The following ABHD2 variants were observed in gnomAD, a reference collection of about 807,000 sequenced individuals.
ABHD2 encodes abhydrolase domain containing 2, acylglycerol lipase, also known as monoacylglycerol lipase ABHD2.
ABHD2 carries 20 observed loss-of-function variants against 48.1 expected under a neutral mutation model. The ratio of observed to expected loss-of-function variants is 0.42; its 90% CI spans 0.29 to 0.60. ABHD2 has a LOEUF of 0.60. Among genes scored for constraint, ABHD2 ranks in the 20% least tolerant of loss-of-function variants. The pLI is 0.24. For synonymous variants in ABHD2, 209 were observed against 214.2 expected (o/e 0.98, Z 0.21); for missense variants, 405 against 550.9 (o/e 0.74, Z 2.65).
chr15:89,187,298 C>A (rs2051226730), intron 7 of ABHD2, among the ~76,000 whole-genome samples: 1 of 152,190 alleles, frequency 6.6e-6, no homozygotes, highest in South Asian at 2.1e-4. Flanking sequence ...TTCAAATTTA[C>A]TACAGAAAGC....
At chr15:89,181,660 T>C (rs888859923) in intron 6 of ABHD2, among the ~76,000 whole-genome samples, 26 of 152,232 alleles carry the variant, frequency 1.7e-4, no homozygotes, top group African/African-American at 6.0e-4. Flanking sequence ...ATAATTTATT[T>C]GAGCCAGGAG....
chr15:89,051,199 C>T, the ABHD2 span, among the ~76,000 whole-genome samples: 2 of 152,206 alleles, frequency 1.3e-5, no homozygotes, highest in Admixed American at 1.3e-4. Context: ...TGCCACTGCA[C>T]TCCAGCCTGG....
chr15:89,079,488 T>A, the ABHD2 span, among the ~76,000 whole-genome samples: 6 of 142,346 alleles, frequency 4.2e-5, no homozygotes, highest in Non-Finnish European at 8.8e-5. The surrounding 1 kb of genome is among the most constrained non-coding windows in gnomAD (Gnocchi z 4.3). Flanking sequence ...CATGGCAAAA[T>A]AAACCTCTAC....
rs185647571 is a variant in ABHD2, at chr15:89,182,675, C to T, written c.723-2749C>T. Among the ~76,000 whole-genome samples, 5 of 152,270 alleles carry T rather than the reference C, an allele frequency of 3.3e-5. No individual in the cohort carries two copies. Among genetic ancestry groups the T allele is most frequent in the Admixed American group, 6.5e-5 (1 of 15,296 alleles). The stretch of plus-strand genomic sequence containing the variant: ...GGGCATGATGGCACACACCTGTAGT[C>T]CCAGCTACTCGGGAGTCTGAAGCAG... On this transcript the variant is annotated intron_variant, in intron 6 of 10. Transcript: ENST00000352732. The surrounding 1 kb of genome is among the most constrained non-coding windows in gnomAD (Gnocchi z 4.8).
chr15:89,072,041 GCTGTAAGAGTCATGTCACA>G, the ABHD2 span, among the ~76,000 whole-genome samples: 4 of 152,230 alleles, frequency 2.6e-5, no homozygotes, highest in Admixed American at 2.6e-4. Context: ...GGTCACCCAA[GCTGTAAGAGTCATGTCACA>G]CTTTTATTTT....
Position 89,189,947 on chromosome 15 carries a change from C to T in ABHD2, c.927-1133C>T, listed in dbSNP as rs537408531. On this transcript the variant is annotated intron_variant, in intron 8 of 10. Coordinates refer to ENST00000352732, the MANE Select transcript of ABHD2 (RefSeq NM_152924.5). The surrounding 1 kb of genome is among the most constrained non-coding windows in gnomAD (Gnocchi z 4.9). Reference sequence around the variant, plus strand: ...TGGTGGCTTCCTCAGAGATCCATCCCAGTAATACTGGAGGGATGGAACAAT... The same window carrying T: ...TGGTGGCTTCCTCAGAGATCCATCCTAGTAATACTGGAGGGATGGAACAAT... Among the ~76,000 whole-genome samples, 2 of 152,156 alleles carry T rather than the reference C, an allele frequency of 1.3e-5. No individual in the cohort carries two copies. Among genetic ancestry groups the T allele is most frequent in the African/African-American group, 2.4e-5 (1 of 41,524 alleles).
In ABHD2 at chr15:89,185,409, C is replaced by T. The variant is rs754204412; in HGVS notation, c.723-15C>T. 10 of 1,612,676 alleles carry T rather than the reference C, an allele frequency of 6.2e-6. No individual in the cohort carries two copies. The Admixed American group carries it at 1.5e-4, about 24-fold the overall frequency. On this transcript the variant is annotated splice_polypyrimidine_tract_variant and intron_variant, in intron 6 of 10. Coordinates refer to ENST00000352732, the MANE Select transcript of ABHD2 (RefSeq NM_152924.5). This position sits in a 1 kb window ranked among gnomAD's most constrained non-coding sequence, Gnocchi z 5.9. ...CCCACACCGCAGTCACCCTCACTCG[C>T]TGTGGTTCTTCCAGGGCCCAGGAAA...
In ABHD2 at chr15:89,091,068, C is replaced by A. The variant is rs116396968; in HGVS notation, c.-107+2505C>A. 9.2e-3 allele frequency among the ~76,000 whole-genome samples: 1,403 copies of A among 152,294 alleles called. 24 individuals carry two copies. The highest frequency in any genetic ancestry group is 0.032 in the African/African-American group (1,345 of 41,572). On this transcript the variant is annotated intron_variant, in intron 1 of 10. Coordinates refer to ENST00000352732, the MANE Select transcript of ABHD2 (RefSeq NM_152924.5). This position sits in a 1 kb window ranked among gnomAD's most constrained non-coding sequence, Gnocchi z 5.5. ...CTTGAAATAAACCAGATGGCAAGTACAAGGGAATGGTCTTTTTCCTCTCAT... is the reference window on the plus strand; with the variant it reads ...CTTGAAATAAACCAGATGGCAAGTAAAAGGGAATGGTCTTTTTCCTCTCAT...
rs142298746 is a variant in ABHD2 at position 89,175,882 on chromosome 15, C to G, written c.609C>G (p.Val203=). Residue 203 remains valine (V), a synonymous_variant, in exon 6 of 11, where the codon GTC becomes GTG. Transcript: ENST00000352732. The surrounding 1 kb of genome is among the most constrained non-coding windows in gnomAD (Gnocchi z 5.7). The part of the protein sequence containing the change: ...KKTYPLTQLV[V]VGFSLGGNIV... ...CATATCCCCTGACCCAGCTGGTCGT[C>G]GTGGGCTTCAGCCTGGGTGGTAACA... The G allele has an allele frequency of 6.2e-7, 1 of 1,613,950 alleles. No individual in the cohort carries two copies. Among genetic ancestry groups the G allele is most frequent in the Non-Finnish European group, 8.5e-7 (1 of 1,180,014 alleles).
chr15:89,155,309 G>A lies in ABHD2; in HGVS notation c.371-58G>A. ...TTCTAGACCAGTGAAGTGTAATTAT[G>A]TCCATTTATCATGTCACATTTCTTG... is the stretch of plus-strand genomic sequence containing the variant. On this transcript the variant is annotated intron_variant, in intron 4 of 10. Transcript: ENST00000352732. This position sits in a 1 kb window ranked among gnomAD's most constrained non-coding sequence, Gnocchi z 4.9. 6.5e-7 allele frequency: 1 copy of A among 1,547,046 alleles called. No homozygotes were observed. The highest frequency in any genetic ancestry group is 8.9e-7 in the Non-Finnish European group (1 of 1,128,224).
Position 89,184,380 on chromosome 15 carries a change from T to A in ABHD2, c.723-1044T>A, listed in dbSNP as rs2051170129. 6.6e-6 allele frequency among the ~76,000 whole-genome samples: 1 copy of A among 152,180 alleles called. No homozygotes were observed. Among genetic ancestry groups the A allele is most frequent in the Non-Finnish European group, 1.5e-5 (1 of 68,036 alleles). On this transcript the variant is annotated intron_variant, in intron 6 of 10. Coordinates refer to ENST00000352732, the MANE Select transcript of ABHD2 (RefSeq NM_152924.5). This position sits in a 1 kb window ranked among gnomAD's most constrained non-coding sequence, Gnocchi z 5.1. ...CCACCTGGTCCCCTCACTTACCATC[T>A]GGAAGATGGAACCTAGTAGAAGTAG...
the ABHD2 span, among the ~76,000 whole-genome samples, chr15:89,081,554 T>C: frequency 7.9e-5 from 12 of 152,098 alleles, no homozygotes; most frequent in African/African-American, 2.9e-4. Flanking sequence ...AAACATAAAT[T>C]TAAAATGTCA....
intron 8 of ABHD2, among the ~76,000 whole-genome samples, chr15:89,190,713 T>C (rs539231247): frequency 3.2e-4 from 48 of 152,290 alleles, no homozygotes; most frequent in African/African-American, 1.1e-3. Flanking sequence ...CACAGTTCCA[T>C]TGAGGAAGGC....
rs182587416 is a variant in ABHD2, at chr15:89,168,264, C to T, written c.539-7548C>T. Among the ~76,000 whole-genome samples, 197 of 152,296 alleles carry T rather than the reference C, an allele frequency of 1.3e-3. No homozygotes were observed. The highest frequency in any genetic ancestry group is 2.4e-3 in the Non-Finnish European group (163 of 68,026). On this transcript the variant is annotated intron_variant, in intron 5 of 10. Transcript: ENST00000352732. This position sits in a 1 kb window ranked among gnomAD's most constrained non-coding sequence, Gnocchi z 4.8. ...AAATGGCCGTGCAATACTCATCTGT[C>T]TAAGGCCCAGCTAGTGTTTCAGATT...
At chr15:89,172,118 A>G (rs1231057855) in intron 5 of ABHD2, among the ~76,000 whole-genome samples, 1 of 152,054 alleles carries the variant, frequency 6.6e-6, no homozygotes, top group African/African-American at 2.4e-5. Context: ...GATCAGCTAC[A>G]CTCTTGTTTA....
At chr15:89,181,240 A>C (rs990811377) in intron 6 of ABHD2, among the ~76,000 whole-genome samples, 2 of 151,504 alleles carry the variant, frequency 1.3e-5, no homozygotes, top group African/African-American at 4.8e-5. Flanking sequence ...AAAAAAAAAA[A>C]AAAAAAAAAA....
chr15:89,170,080 CTTTTTTTTTTTTTTTTTT>C (rs748983183), intron 5 of ABHD2, among the ~76,000 whole-genome samples: 36 of 37,506 alleles, frequency 9.6e-4, no homozygotes, highest in Non-Finnish European at 1.2e-3. Flanking sequence ...AGATCAGATT[CTTTTTTTTTTTTTTTTTT>C]TTTTTTTTTT....
rs1352876214 is a variant in ABHD2, at chr15:89,195,349, A to C, written c.1204A>C (p.Asn402His). 4 of 1,614,236 alleles carry C rather than the reference A, an allele frequency of 2.5e-6. No individual in the cohort carries two copies. The highest frequency in any genetic ancestry group is 1.1e-5 in the South Asian group (1 of 91,084). Residue 402 changes from asparagine to histidine, a missense_variant, in exon 11 of 11, where the codon AAC (asparagine) becomes CAC (histidine). Asn to His is a moderately conservative substitution (Grantham distance 68, BLOSUM62 1). Transcript: ENST00000352732. The surrounding 1 kb of genome is among the most constrained non-coding windows in gnomAD (Gnocchi z 5.1). ...GGATAAGCTGGTGGTGGAGTACGCC[A>C]ACGCCATTTGCCAATGGGAGCGTAA... ...WMDKLVVEYA[N>H]AICQWERNKL...
intron 3 of ABHD2, among the ~76,000 whole-genome samples, chr15:89,140,609 A>C (rs778638641): frequency 1.3e-5 from 2 of 152,082 alleles, no homozygotes; most frequent in Admixed American, 1.3e-4. Context: ...ACACACATAC[A>C]CACACCACCT....
Sources: allele counts gnomAD v4.1 joint callset (sites outside exome capture counted in the v4.1 genomes callset), GRCh38; gene constraint gnomAD v4.1.1; non-coding constraint Gnocchi (gnomAD v3.1); transcripts MANE v1.5; gene names NCBI Gene and HGNC (gene_info 2026-07-23, HGNC 2026-07-21).